The following ALDH18A1 variants were observed in gnomAD, a reference collection of about 807,000 sequenced individuals.
ALDH18A1 encodes aldehyde dehydrogenase 18 family member A1.
In ALDH18A1, 44 loss-of-function variants were observed where a neutral mutation model predicts 88.8. That is an observed-to-expected ratio of 0.50 (90% CI 0.39 to 0.64). The LOEUF (loss-of-function observed/expected upper bound fraction) is 0.64, where lower values mean the gene tolerates loss of function less well. Ranked by LOEUF, ALDH18A1 falls within the 30% of genes least tolerant of loss-of-function variation. ALDH18A1 has a pLI of 0.00. For synonymous variants in ALDH18A1, 331 were observed against 372.1 expected (o/e 0.89, Z 1.27); for missense variants, 782 against 1,009.5 (o/e 0.77, Z 3.05).
At chr10:95,612,272 C>T (rs1159697409) in intron 15 of ALDH18A1, among the ~76,000 whole-genome samples, 1 of 152,192 alleles carries the variant, frequency 6.6e-6, no homozygotes, top group Non-Finnish European at 1.5e-5. Context: ...CTGGCCCCAC[C>T]TCTAGGTTCA....
At chr10:95,630,832 T>C (rs956958402) in intron 7 of ALDH18A1, among the ~76,000 whole-genome samples, 5 of 152,112 alleles carry the variant, frequency 3.3e-5, no homozygotes, top group Non-Finnish European at 7.3e-5. Context: ...CAAATTACAG[T>C]GGATAACACA....
chr10:95,641,392 C>T (rs2097891098), intron 3 of ALDH18A1, among the ~76,000 whole-genome samples: 1 of 152,052 alleles, frequency 6.6e-6, no homozygotes, highest in Non-Finnish European at 1.5e-5. Context: ...GGTAGAGAGG[C>T]TAGTGCCCCT....
At position 95,637,088 on chromosome 10, in the gene ALDH18A1, C is replaced by G. The variant is rs371725968; in HGVS notation, c.558+5G>C. 6 of 1,613,676 alleles carry G rather than the reference C, an allele frequency of 3.7e-6. No homozygotes were observed. The highest frequency in any genetic ancestry group is 5.1e-6 in the Non-Finnish European group (6 of 1,179,692). ...CCACACCCATTTCAAAGCCCAGCCT[C>G]TCACCTGGGCAGCACAGATGCTGTA... On this transcript the variant is annotated splice_donor_5th_base_variant and intron_variant, in intron 5 of 17. Transcript: ENST00000371224.
At chr10:95,615,414 T>C (rs10882643) in intron 13 of ALDH18A1, among the ~76,000 whole-genome samples, 45,714 of 151,434 alleles carry the variant, frequency 0.3, 7,664 homozygotes, top group Admixed American at 0.41. Context: ...GGGGGCTACA[T>C]ATTGACTGGG....
chr10:95,618,213 C>G (rs756675413), intron 12 of ALDH18A1, among the ~76,000 whole-genome samples: 3 of 152,122 alleles, frequency 2.0e-5, no homozygotes, highest in African/African-American at 7.2e-5. Flanking sequence ...AAAGTGGGGC[C>G]ACTCTCTAAT....
intron 2 of ALDH18A1, among the ~76,000 whole-genome samples, chr10:95,643,960 A>C (rs2097896533): frequency 6.6e-6 from 1 of 152,228 alleles, no homozygotes; most frequent in Non-Finnish European, 1.5e-5. Context: ...CCTGGACAAC[A>C]TGGTGAAACC....
In ALDH18A1 at chr10:95,642,583, C is replaced by A. The variant is rs1404250848; in HGVS notation, c.303+409G>T. Among the ~76,000 whole-genome samples the A allele has an allele frequency of 2.6e-5, 4 of 152,326 alleles. No individual in the cohort carries two copies. The East Asian group carries it at 7.7e-4, about 29-fold the overall frequency. ...TGAGCCATGATCATGCCACAACAGTCCAGCCTGGGTGACAGAGTGAGATCC... is the reference window on the plus strand; with the variant it reads ...TGAGCCATGATCATGCCACAACAGTACAGCCTGGGTGACAGAGTGAGATCC... On this transcript the variant is annotated intron_variant, in intron 3 of 17. Transcript: ENST00000371224.
rs1488436621 is a variant in ALDH18A1 at position 95,610,358 on chromosome 10, T to C, written c.2111-66A>G. The C allele has an allele frequency of 2.3e-5, 35 of 1,513,376 alleles. No individual in the cohort carries two copies. The East Asian group carries it at 6.9e-4, about 30-fold the overall frequency. The allele number at this position is 1,513,376 out of a possible 1,614,324, so 93.7% of individuals were successfully genotyped here. ...CAGAGAACATCCCTGTTTCCAGCCA[T>C]TGACTGGTGACAGATCAGGGCAGGG... On this transcript the variant is annotated intron_variant, in intron 16 of 17. Transcript: ENST00000371224.
chr10:95,606,983 CCT>C (rs1329400096), intron 17 of ALDH18A1, 40 bp from the exon 18 acceptor site: 4 of 1,604,642 alleles, frequency 2.5e-6, no homozygotes, highest in Non-Finnish European at 3.4e-6. Context: ...CTTTTCCCAG[CCT>C]CTGCTTCCTG....
At chr10:95,633,733 A>T in intron 5 of ALDH18A1, 84 bp from the exon 6 acceptor site, 1 of 1,460,072 alleles carries the variant, frequency 6.8e-7, no homozygotes, top group Non-Finnish European at 9.4e-7. Flanking sequence ...AGAGCAGGGG[A>T]GTTAAACTTT....
At chr10:95,644,843 C>T (rs1407229134) in intron 2 of ALDH18A1, among the ~76,000 whole-genome samples, 3 of 152,230 alleles carry the variant, frequency 2.0e-5, no homozygotes, top group Non-Finnish European at 4.4e-5. Context: ...GGAGCTCATT[C>T]ATTCATTTTG....
At chr10:95,618,326 C>A (rs1356624175) in intron 12 of ALDH18A1, among the ~76,000 whole-genome samples, 1 of 152,108 alleles carries the variant, frequency 6.6e-6, no homozygotes, top group African/African-American at 2.4e-5. Context: ...GGGTTGCATT[C>A]TTTTCTCTTT....
chr10:95,606,358 A>C lies in ALDH18A1; in HGVS notation c.*404T>G. The C allele has an allele frequency of 9.8e-7, 1 of 1,016,426 alleles. No individual in the cohort carries two copies. The highest frequency in any genetic ancestry group is 5.0e-4 in the Middle Eastern group (1 of 1,996). 63.0% of individuals were successfully genotyped at this position (1,016,426 alleles called of 1,614,324 possible). On this transcript the variant is annotated 3_prime_UTR_variant, in exon 18 of 18. Coordinates refer to ENST00000371224, the MANE Select transcript of ALDH18A1 (RefSeq NM_002860.4). ...CCTTTTTGAAGATGACTACATGTGAAAGAAATAAAATGTGAAAAGATTTGT... is the reference window on the plus strand; with the variant it reads ...CCTTTTTGAAGATGACTACATGTGACAGAAATAAAATGTGAAAAGATTTGT...
intron 3 of ALDH18A1, among the ~76,000 whole-genome samples, chr10:95,640,292 A>G (rs77422088): frequency 0.019 from 2,907 of 151,980 alleles, 104 homozygotes; most frequent in African/African-American, 0.067. Context: ...TTTAAGTATA[A>G]TTATGAACTC....
intron 6 of ALDH18A1, 118 bp from the exon 7 acceptor site, chr10:95,633,167 C>A: frequency 1.1e-6 from 1 of 905,126 alleles, no homozygotes. Context: ...AACCAATGAA[C>A]CCAAATATGT....
intron 3 of ALDH18A1, among the ~76,000 whole-genome samples, chr10:95,638,941 T>C (rs910156458): frequency 6.6e-6 from 1 of 151,998 alleles, no homozygotes; most frequent in Non-Finnish European, 1.5e-5. Context: ...GGCACAATCA[T>C]GGCTCACTGT....
Position 95,606,296 on chromosome 10 carries a change from A to T in ALDH18A1, c.*466T>A. The T allele has an allele frequency of 2.0e-6, 2 of 1,002,104 alleles. No individual in the cohort carries two copies. The highest frequency in any genetic ancestry group is 2.4e-6 in the Non-Finnish European group (2 of 839,476). 62.1% of individuals were successfully genotyped at this position (1,002,104 alleles called of 1,614,324 possible). ...GTGACTTTCTGATGAGAATGCTAAA[A>T]AGAAGAGTTGCCCCTTTTCTAAAAT... On this transcript the variant is annotated 3_prime_UTR_variant, in exon 18 of 18. Coordinates refer to ENST00000371224, the MANE Select transcript of ALDH18A1 (RefSeq NM_002860.4).
Position 95,643,045 on chromosome 10 carries a change from G to A in ALDH18A1, c.250C>T (p.Arg84Ter), listed in dbSNP as rs1325257479. ...VVKLGSAVVT[R>*]GDECGLALGR... ...AGGGCCAGGCCACATTCATCCCCTC[G>A]GGTCACCACGGCACTGCCGAGCTTC... Residue 84 changes from arginine to a stop codon, truncating the protein, a stop_gained, in exon 3 of 18, where the codon CGA becomes TGA. Transcript: ENST00000371224. LOFTEE classifies it high-confidence loss of function. 4 of 1,613,900 alleles carry A rather than the reference G, an allele frequency of 2.5e-6. No homozygotes were observed. The highest frequency in any genetic ancestry group is 2.2e-5 in the South Asian group (2 of 91,050).
rs537743015 is a variant in ALDH18A1 at position 95,651,640 on chromosome 10, G to C, written c.88+1650C>G. 2.6e-4 allele frequency among the ~76,000 whole-genome samples: 39 copies of C among 152,270 alleles called. No homozygotes were observed. The South Asian group carries it at 8.1e-3, about 32-fold the overall frequency. On this transcript the variant is annotated intron_variant, in intron 2 of 17. Coordinates refer to ENST00000371224, the MANE Select transcript of ALDH18A1 (RefSeq NM_002860.4). Reference sequence around the variant, plus strand: ...AATGGCGAGAGAGGGAACAAGAAGAGAGAGTGAGGGGGTGGTGCCACACAC... The same window carrying C: ...AATGGCGAGAGAGGGAACAAGAAGACAGAGTGAGGGGGTGGTGCCACACAC...
Sources: gnomAD v4.1 joint callset for allele counts (sites outside exome capture counted in the v4.1 genomes callset) on GRCh38, gnomAD v4.1.1 for gene constraint, MANE v1.5 for transcripts, NCBI Gene and HGNC (gene_info 2026-07-23, HGNC 2026-07-21) for gene names.